The following ANKRD29 variants were observed in gnomAD, a reference collection of about 807,000 sequenced individuals.
ANKRD29 encodes ankyrin repeat domain-containing protein 29.
ANKRD29 carries 32 observed loss-of-function variants against 38.0 expected under a neutral mutation model. The observed-to-expected ratio is 0.84, with a 90% CI of 0.64 to 1.13. The LOEUF (loss-of-function observed/expected upper bound fraction) is 1.13, where lower values mean the gene tolerates loss of function less well. ANKRD29 is among the 50% of genes most tolerant of loss of function. The pLI, the probability that ANKRD29 is intolerant of heterozygous loss-of-function variation, is 0.00. For synonymous variants in ANKRD29, 135 were observed against 152.4 expected (o/e 0.89, Z 0.84); for missense variants, 357 against 377.9 (o/e 0.94, Z 0.46).
intron 4 of ANKRD29, 32 bp from the exon 5 acceptor site, chr18:23,634,181 G>A (rs1390346288): frequency 6.4e-7 from 1 of 1,570,946 alleles, no homozygotes; most frequent in Non-Finnish European, 8.8e-7. Context: ...ACACATTAGA[G>A]GTGGCGCAGG....
chr18:23,654,136 C>T (rs1024877427), intron 1 of ANKRD29, among the ~76,000 whole-genome samples: 4 of 151,804 alleles, frequency 2.6e-5, no homozygotes, highest in Non-Finnish European at 4.4e-5. Flanking sequence ...CACGGTGGCA[C>T]GCACCTGTAG....
At position 23,641,156 on chromosome 18, in the gene ANKRD29, G is replaced by A. The variant is rs974330154; in HGVS notation, c.232-2209C>T. Among the ~76,000 whole-genome samples, 7 of 152,218 alleles carry A rather than the reference G, an allele frequency of 4.6e-5. No individual in the cohort carries two copies. The East Asian group carries it at 5.8e-4, about 13-fold the overall frequency. On this transcript the variant is annotated intron_variant, in intron 3 of 9. Coordinates refer to ENST00000592179, the MANE Select transcript of ANKRD29 (RefSeq NM_173505.4). ...GTGGCCTGTCTGGAGCAGCAGCTGC[G>A]AAGATGCAGGCTGCCACACGGGAGG...
rs371646966 is a variant in ANKRD29, at chr18:23,632,533, G to GTGTATATATATATA, written c.429+1517_429+1518insTATATATATATACA. 5.7e-4 allele frequency among the ~76,000 whole-genome samples: 74 copies of GTGTATATATATATA among 130,936 alleles called. 1 individual carries two copies. Among genetic ancestry groups the GTGTATATATATATA allele is most frequent in the South Asian group, 2.6e-3 (10 of 3,836 alleles). The allele number at this position is 130,936 out of a possible 152,430, so 85.9% of individuals were successfully genotyped here. On this transcript the variant is annotated intron_variant, in intron 5 of 9. Coordinates refer to ENST00000592179, the MANE Select transcript of ANKRD29 (RefSeq NM_173505.4). The stretch of plus-strand genomic sequence containing the variant: ...CTATTCAGTGTGTGTGTGTGTGTGT[G>GTGTATATATATATA]TATATATATATATATTACACACTCT...
At position 23,600,962 on chromosome 18, in the gene ANKRD29, G is replaced by T. The variant is rs1272786326; in HGVS notation, c.*264C>A. The T allele has an allele frequency of 9.9e-6, 3 of 302,616 alleles. No homozygotes were observed. In the South Asian group the frequency reaches 2.0e-4, roughly 20 times the overall value. The allele number at this position is 302,616 out of a possible 1,614,324, so 18.7% of individuals were successfully genotyped here. ...GCATTGTTGAAAATGAGTTTCTGTG[G>T]AATCTGTGAACATGCCAGGCCCCCC... is the stretch of plus-strand genomic sequence containing the variant. On this transcript the variant is annotated 3_prime_UTR_variant, in exon 10 of 10. Transcript: ENST00000592179.
intron 8 of ANKRD29, among the ~76,000 whole-genome samples, chr18:23,615,560 C>T (rs2059699645): frequency 6.6e-6 from 1 of 151,980 alleles, no homozygotes; most frequent in South Asian, 2.1e-4. Flanking sequence ...AGGTGCATGC[C>T]ATCATGACCA....
Position 23,611,104 on chromosome 18 carries a change from G to A in ANKRD29, c.822+988C>T, listed in dbSNP as rs974080119. On this transcript the variant is annotated intron_variant, in intron 9 of 9. Coordinates refer to ENST00000592179, the MANE Select transcript of ANKRD29 (RefSeq NM_173505.4). Reference sequence around the variant, plus strand: ...AATCATTTAAAAAAATTCTTATTGTGTACCCACCCACCGCGAAGTTTGGCC... The same window carrying A: ...AATCATTTAAAAAAATTCTTATTGTATACCCACCCACCGCGAAGTTTGGCC... 1.4e-4 allele frequency among the ~76,000 whole-genome samples: 21 copies of A among 152,200 alleles called. No individual in the cohort carries two copies. The East Asian group carries it at 3.9e-3, about 28-fold the overall frequency.
rs1356746353 is a variant in ANKRD29, at chr18:23,599,966, C to A, written c.*1260G>T. The A allele has an allele frequency of 6.6e-6, 1 of 152,142 alleles. No homozygotes were observed. The highest frequency in any genetic ancestry group is 1.5e-5 in the Non-Finnish European group (1 of 68,028). The allele number at this position is 152,142 out of a possible 1,614,324, so 9.4% of individuals were successfully genotyped here. A position where few individuals can be genotyped will look rare whatever the true frequency, so the allele number is the denominator to read the frequency against. On this transcript the variant is annotated 3_prime_UTR_variant, in exon 10 of 10. Transcript: ENST00000592179. ...CTCTAAAAGTGTCTTTACATAGACA[C>A]TGACTGAAAACCAGAGCAGAACATG...
chr18:23,629,594 CT>C (rs2059903944), intron 6 of ANKRD29, among the ~76,000 whole-genome samples: 1 of 152,218 alleles, frequency 6.6e-6, no homozygotes, highest in Admixed American at 6.5e-5. Context: ...TACTTGTGTA[CT>C]TGACCTCAGA....
intron 1 of ANKRD29, among the ~76,000 whole-genome samples, chr18:23,652,216 G>A (rs2060218550): frequency 6.6e-6 from 1 of 152,188 alleles, no homozygotes; most frequent in Non-Finnish European, 1.5e-5. Flanking sequence ...TCAGTGCAAA[G>A]TGCTTACTCT....
chr18:23,646,311 A>C, intron 2 of ANKRD29, 24 bp from the exon 3 acceptor site: 1 of 1,602,626 alleles, frequency 6.2e-7, no homozygotes, highest in Non-Finnish European at 8.5e-7. Flanking sequence ...AGACAGATGA[A>C]GAGTTAGGCC....
rs147241170 is a variant in ANKRD29 at position 23,657,680 on chromosome 18, C to A, written c.21+5030G>T. Among the ~76,000 whole-genome samples, 211 of 152,288 alleles carry A rather than the reference C, an allele frequency of 1.4e-3. 1 individual carries two copies. Among genetic ancestry groups the A allele is most frequent in the African/African-American group, 4.9e-3 (202 of 41,560 alleles). ...GACATTGCATATAAATGGAATCATA[C>A]AATATATGGCATTCTGTGTCTGGTT... On this transcript the variant is annotated intron_variant, in intron 1 of 9. Coordinates refer to ENST00000592179, the MANE Select transcript of ANKRD29 (RefSeq NM_173505.4).
At chr18:23,635,994 T>C (rs1320907026) in intron 4 of ANKRD29, among the ~76,000 whole-genome samples, 1 of 152,108 alleles carries the variant, frequency 6.6e-6, no homozygotes, top group Non-Finnish European at 1.5e-5. Context: ...CATCACAGAA[T>C]TGCGTAACAG....
intron 1 of ANKRD29, among the ~76,000 whole-genome samples, chr18:23,653,579 T>G (rs1316913453): frequency 6.6e-6 from 1 of 151,542 alleles, no homozygotes; most frequent in Non-Finnish European, 1.5e-5. Context: ...TTTTTTACTT[T>G]TTAAAGGAAG....
At chr18:23,642,127 G>T (rs959254990) in intron 3 of ANKRD29, among the ~76,000 whole-genome samples, 1 of 152,064 alleles carries the variant, frequency 6.6e-6, no homozygotes, top group African/African-American at 2.4e-5. Context: ...CCCTCCAGTT[G>T]TTTGCATACC....
chr18:23,612,641 A>G (rs1174869070), intron 8 of ANKRD29, among the ~76,000 whole-genome samples: 3 of 152,190 alleles, frequency 2.0e-5, no homozygotes, highest in East Asian at 1.9e-4. Context: ...CCAGCTACAG[A>G]CACTCTGAGC....
At chr18:23,649,005 G>A (rs2060175992) in intron 2 of ANKRD29, 78 bp downstream of exon 2, 1 of 1,136,312 alleles carries the variant, frequency 8.8e-7, no homozygotes, top group South Asian at 1.4e-5. Context: ...TTGTAAAGGG[G>A]AATGTATTCC....
intron 6 of ANKRD29, among the ~76,000 whole-genome samples, chr18:23,625,323 G>A (rs1187852014): frequency 6.6e-6 from 1 of 152,134 alleles, no homozygotes; most frequent in Non-Finnish European, 1.5e-5. Context: ...AGGGTGATGG[G>A]ACTGAGGATA....
chr18:23,650,063 G>A (rs1403473992), intron 1 of ANKRD29, among the ~76,000 whole-genome samples: 2 of 152,016 alleles, frequency 1.3e-5, no homozygotes. Context: ...GCTGGAACTT[G>A]CCAGAGGTTT....
intron 4 of ANKRD29, 80 bp downstream of exon 4, chr18:23,638,769 T>C: frequency 8.9e-7 from 1 of 1,126,366 alleles, no homozygotes; most frequent in Non-Finnish European, 1.3e-6. Context: ...CATAAATTCG[T>C]ACCATAGATG....
Sources: gnomAD v4.1 joint callset for allele counts (sites outside exome capture counted in the v4.1 genomes callset) on GRCh38, gnomAD v4.1.1 for gene constraint, MANE v1.5 for transcripts, NCBI Gene and HGNC (gene_info 2026-07-23, HGNC 2026-07-21) for gene names.